PCNT: variants seen among roughly 807,000 people sequenced by gnomAD.
PCNT encodes the protein pericentrin.
In PCNT, 319 loss-of-function variants were observed where a neutral mutation model predicts 380.4. The ratio of observed to expected loss-of-function variants is 0.84; its 90% confidence interval spans 0.77 to 0.92. The LOEUF (loss-of-function observed/expected upper bound fraction) is 0.92. PCNT is among the 40% of genes least tolerant of loss of function. PCNT has a pLI of 0.00. For missense variants in PCNT, 4,400 were observed against 4,255.3 expected, an observed-to-expected ratio of 1.03 and a Z score of -0.95; for synonymous variants, 1,845 against 1,735.2, an observed-to-expected ratio of 1.06 and a Z score of -1.57.
At chr21:46,346,240 C>A in intron 4 of PCNT, 32 bp downstream of exon 4, 1 of 1,522,380 alleles carries the variant, frequency 6.6e-7, no homozygotes, top group Non-Finnish European at 9.1e-7. Flanking sequence ...AGGCTCACAG[C>A]ATGGGCTCTG....
intron 3 of PCNT, among the ~76,000 whole-genome samples, chr21:46,340,063 C>T (rs1039546827): frequency 6.6e-6 from 1 of 152,184 alleles, no homozygotes; most frequent in African/African-American, 2.4e-5. Flanking sequence ...TTAATGGACT[C>T]ACAGTTCCAC....
rs1333824010 is a variant in PCNT at position 46,431,666 on chromosome 21, T to C, written c.8202T>C (p.Ala2734=). The part of the protein sequence containing the change: ...IEHSRCEALL[A]QERSQLSELQ... Reference sequence around the variant, plus strand: ...ACTCACGCTGCGAGGCCTTGCTGGCTCAGGAGCGGAGCCAGCTCTCTGAGC... The same window carrying C: ...ACTCACGCTGCGAGGCCTTGCTGGCCCAGGAGCGGAGCCAGCTCTCTGAGC... The change falls in exon 38 of 47, where the codon GCT becomes GCC. Residue 2734 remains alanine, a synonymous_variant. Transcript: ENST00000359568. 1.2e-6 allele frequency: 2 copies of C among 1,613,410 alleles called. No individual in the cohort carries two copies. Among genetic ancestry groups the C allele is most frequent in the Non-Finnish European group, 1.7e-6 (2 of 1,179,814 alleles).
chr21:46,374,849 CAAAAAAAAAAAA>C (rs760273140), intron 15 of PCNT, among the ~76,000 whole-genome samples: 33 of 85,552 alleles, frequency 3.9e-4, no homozygotes, highest in African/African-American at 1.5e-3. Flanking sequence ...AACTTCGTCT[CAAAAAAAAAAAA>C]AAAAAAAAAA....
chr21:46,334,157 A>G (rs2083652838), intron 2 of PCNT, among the ~76,000 whole-genome samples: 3 of 148,830 alleles, frequency 2.0e-5, no homozygotes, highest in African/African-American at 7.4e-5. Flanking sequence ...GTGAGCTGAG[A>G]TTGTGCCACT....
At chr21:46,414,113 T>G (rs553023517) in intron 29 of PCNT, among the ~76,000 whole-genome samples, 2 of 151,946 alleles carry the variant, frequency 1.3e-5, no homozygotes, top group South Asian at 4.2e-4. Context: ...AGCCTCAGCC[T>G]CCCGAGTAGC....
chr21:46,330,713 G>C (rs1030398837), intron 2 of PCNT, among the ~76,000 whole-genome samples: 1 of 152,092 alleles, frequency 6.6e-6, no homozygotes, highest in Non-Finnish European at 1.5e-5. Flanking sequence ...GTTAAAATAG[G>C]AGTAATTTTG....
intron 39 of PCNT, 130 bp from the exon 40 acceptor site, chr21:46,436,849 A>T: frequency 1.3e-6 from 1 of 743,864 alleles, no homozygotes; most frequent in Non-Finnish European, 2.4e-6. Flanking sequence ...TCACGGCTGG[A>T]CGAAGTGATT....
Position 46,411,719 on chromosome 21 carries a change from G to T in PCNT, c.5646G>T (p.Gln1882His). The T allele has an allele frequency of 6.2e-7, 1 of 1,612,366 alleles. No individual in the cohort carries two copies. Among genetic ancestry groups the T allele is most frequent in the Non-Finnish European group, 8.5e-7 (1 of 1,179,834 alleles). ...ERNLEIDALNQRKAAHSAELE... is the reference protein window; with the variant it reads ...ERNLEIDALNHRKAAHSAELE... ...ATTTAGAAATCGACGCTCTGAACCA[G>T]CGGAAGGCGGCCCACTCTGCCGAGC... Residue 1882 changes from glutamine (Q) to histidine (H), a missense_variant, in exon 28 of 47, where the codon CAG (glutamine) becomes CAT (histidine). Gln to His is a conservative substitution (Grantham distance 24, BLOSUM62 0). Transcript: ENST00000359568.
At chr21:46,358,002 G>C (rs1287625683) in intron 13 of PCNT, among the ~76,000 whole-genome samples, 1 of 152,262 alleles carries the variant, frequency 6.6e-6, no homozygotes. Context: ...GGCCCGATGG[G>C]CTTGGTTACA....
intron 39 of PCNT, 26 bp from the exon 40 acceptor site, chr21:46,436,953 C>CT: frequency 1.9e-6 from 3 of 1,557,708 alleles, no homozygotes; most frequent in Non-Finnish European, 2.7e-6. Flanking sequence ...GCGTATGCAA[C>CT]TTTGAGTGCC....
chr21:46,416,553 G>A lies in PCNT; in HGVS notation c.6635G>A (p.Arg2212Gln), dbSNP rs201503338. The change falls in exon 30 of 47, where the codon CGG (arginine) becomes CAG (glutamine). Residue 2212 changes from arginine to glutamine, a missense_variant. Arg to Gln is a conservative substitution (Grantham distance 43). Transcript: ENST00000359568. ...HQSHTAEAGP[R>Q]KSPVGMLDLS... ...AGCCACACTGCAGAGGCTGGGCCCCGGAAGAGCCCGGTCGGGATGCTGGAC... is the reference window on the plus strand; with the variant it reads ...AGCCACACTGCAGAGGCTGGGCCCCAGAAGAGCCCGGTCGGGATGCTGGAC... 2.9e-5 allele frequency: 46 copies of A among 1,612,918 alleles called. 1 individual carries two copies. The Middle Eastern group carries it at 6.6e-4, about 23-fold the overall frequency.
rs1362175757 is a variant in PCNT, at chr21:46,383,822, G to A, written c.3312+1982G>A. On this transcript the variant is annotated intron_variant, in intron 16 of 46. Transcript: ENST00000359568. ...CAGAAGCGCATTCACGGTGTTGTGC[G>A]TTCAGTGGCGGAAGCGCATTCACCA... Among the ~76,000 whole-genome samples the A allele has an allele frequency of 4.6e-4, 44 of 95,180 alleles. 1 individual carries two copies. The highest frequency in any genetic ancestry group is 8.6e-4 in the South Asian group (2 of 2,334). The allele number at this position is 95,180 out of a possible 152,430, so 62.4% of individuals were successfully genotyped here. A position where few individuals can be genotyped will look rare whatever the true frequency, so the allele number is the denominator to read the frequency against.
chr21:46,340,880 G>A (rs933035192), intron 3 of PCNT, among the ~76,000 whole-genome samples: 4 of 151,928 alleles, frequency 2.6e-5, no homozygotes, highest in African/African-American at 9.7e-5. Context: ...TGCCATGTTG[G>A]CCAGGCTGGT....
intron 41 of PCNT, 30 bp from the exon 42 acceptor site, chr21:46,440,053 G>A (rs752270323): frequency 1.2e-6 from 2 of 1,613,762 alleles, no homozygotes; most frequent in South Asian, 1.1e-5. Context: ...GAGCAGCTCT[G>A]TAGACAGCGC....
chr21:46,409,232 A>C (rs1353793820), intron 27 of PCNT, among the ~76,000 whole-genome samples: 7 of 128,572 alleles, frequency 5.4e-5, no homozygotes, highest in Admixed American at 4.6e-4. Context: ...TCTGTTGCCC[A>C]GGCTAGAGTT....
In PCNT at chr21:46,398,145, C is replaced by T. The variant is rs1234384421; in HGVS notation, c.4563+15C>T. 2.3e-5 allele frequency: 37 copies of T among 1,604,530 alleles called. No individual in the cohort carries two copies. Among genetic ancestry groups the T allele is most frequent in the African/African-American group, 6.7e-5 (5 of 74,754 alleles). On this transcript the variant is annotated intron_variant, in intron 23 of 46. Coordinates refer to ENST00000359568, the MANE Select transcript of PCNT (RefSeq NM_006031.6). ...GCGACAGCCAGGTGAGTCAGTGCAG[C>T]GTGCAGTGCTGCTGGTTGCTGTCTT...
intron 27 of PCNT, among the ~76,000 whole-genome samples, chr21:46,406,577 T>A (rs184699590): frequency 1.3e-5 from 2 of 152,360 alleles, no homozygotes; most frequent in Non-Finnish European, 2.9e-5. Flanking sequence ...GTTTTATTTC[T>A]TTCCAATTTT....
At chr21:46,326,615 A>G in intron 2 of PCNT, 26 bp downstream of exon 2, 2 of 1,597,378 alleles carry the variant, frequency 1.3e-6, no homozygotes, top group Non-Finnish European at 1.7e-6. Flanking sequence ...GTTGTATTTG[A>G]ACATTTCGCT....
intron 32 of PCNT, among the ~76,000 whole-genome samples, chr21:46,422,831 C>T (rs142895856): frequency 1.2e-4 from 19 of 152,334 alleles, no homozygotes; most frequent in South Asian, 4.1e-4. Context: ...TGCTGCTGGC[C>T]GCAGCTCCCG....
Sources: gnomAD v4.1 joint callset for allele counts (sites outside exome capture counted in the v4.1 genomes callset) on GRCh38, gnomAD v4.1.1 for gene constraint, MANE v1.5 for transcripts, NCBI Gene and HGNC (gene_info 2026-07-23, HGNC 2026-07-21) for gene names.